Variants in MRTFB observed in about 807,000 individuals in gnomAD.
MRTFB encodes the protein myocardin related transcription factor B, also known as myocardin-related transcription factor B.
MRTFB carries 29 observed loss-of-function variants against 104.2 expected under a neutral mutation model. The ratio of observed to expected loss-of-function variants is 0.28; its 90% confidence interval spans 0.21 to 0.38. The LOEUF is 0.38. MRTFB is among the 10% of genes least tolerant of loss of function. The pLI, the probability that MRTFB is intolerant of heterozygous loss-of-function variation, is 1.00. For synonymous variants in MRTFB, 535 were observed against 519.5 expected (o/e 1.03, Z -0.41); for missense variants, 1,270 against 1,341.6 (o/e 0.95, Z 0.83).
intron 8 of MRTFB, among the ~76,000 whole-genome samples, chr16:14,233,427 G>A (rs2042351905): frequency 6.6e-6 from 1 of 152,132 alleles, no homozygotes; most frequent in South Asian, 2.1e-4. Context: ...GTGATGCAGG[G>A]AAGCCTGAAG....
chr16:14,252,438 A>G lies in MRTFB; in HGVS notation c.2639A>G (p.Lys880Arg), dbSNP rs139513674. Residue 880 changes from lysine to arginine, a missense_variant, in exon 15 of 17, where the codon AAA becomes AGA. Around this residue, in one of 3 missense-constraint regions of MRTFB, gnomAD observed 1,144 missense variants for 1,131.5 expected, o/e 1.01. Coordinates refer to ENST00000571589, the MANE Select transcript of MRTFB (RefSeq NM_001308142.2). ...SLFGSPVAKT[K>R]DPPRYEEAIK... ...TTTGGGAGTCCAGTCGCCAAGACAA[A>G]AGATCCCCCCCGCTATGAGGAGGCC... is the stretch of plus-strand genomic sequence containing the variant. 2 of 1,613,742 alleles carry G rather than the reference A, an allele frequency of 1.2e-6. No individual in the cohort carries two copies. Among genetic ancestry groups the G allele is most frequent in the Non-Finnish European group, 1.7e-6 (2 of 1,179,968 alleles).
chr16:14,238,134 G>C (rs922078162), intron 9 of MRTFB, among the ~76,000 whole-genome samples: 2 of 152,162 alleles, frequency 1.3e-5, no homozygotes, highest in Non-Finnish European at 2.9e-5. Context: ...GTCACAATGC[G>C]GGGGACGAGG....
At chr16:14,196,482 C>T (rs1466451019) in intron 3 of MRTFB, among the ~76,000 whole-genome samples, 2 of 152,182 alleles carry the variant, frequency 1.3e-5, no homozygotes, top group Non-Finnish European at 2.9e-5. Context: ...CCTCCTTTTC[C>T]AATTCTGTAT....
the MRTFB span, among the ~76,000 whole-genome samples, chr16:14,057,191 G>C: frequency 1.3e-5 from 2 of 152,044 alleles, no homozygotes; most frequent in African/African-American, 2.4e-5. Flanking sequence ...TAAGCTCACT[G>C]TTCCAGCCAA....
chr16:14,107,824 G>A (rs1267376601), intron 2 of MRTFB, among the ~76,000 whole-genome samples: 1 of 152,228 alleles, frequency 6.6e-6, no homozygotes, highest in Non-Finnish European at 1.5e-5. Flanking sequence ...CCCAGTGTGA[G>A]GTACACCAAG....
At chr16:14,005,718 T>C in the MRTFB span, among the ~76,000 whole-genome samples, 18 of 152,160 alleles carry the variant, frequency 1.2e-4, no homozygotes, top group Non-Finnish European at 1.9e-4. Flanking sequence ...AAATGTTTTA[T>C]TGAGTGTGGG....
chr16:14,018,064 A>C, the MRTFB span, among the ~76,000 whole-genome samples: 1 of 152,070 alleles, frequency 6.6e-6, no homozygotes, highest in African/African-American at 2.4e-5. Flanking sequence ...CAAGAAAAAC[A>C]CACTCTTGTA....
intron 3 of MRTFB, among the ~76,000 whole-genome samples, chr16:14,154,187 T>C (rs2038738841): frequency 6.6e-6 from 1 of 152,032 alleles, no homozygotes; most frequent in South Asian, 2.1e-4. Context: ...TTTTAAAAAT[T>C]AGCCAAGCAT....
At chr16:14,133,996 T>C (rs902319343) in intron 2 of MRTFB, among the ~76,000 whole-genome samples, 1 of 152,116 alleles carries the variant, frequency 6.6e-6, no homozygotes, top group Admixed American at 6.5e-5. Context: ...TTTGAAACTT[T>C]TGCTAGTTCA....
chr16:14,188,244 T>C (rs1024697017), intron 3 of MRTFB, among the ~76,000 whole-genome samples: 4 of 152,230 alleles, frequency 2.6e-5, no homozygotes, highest in African/African-American at 9.7e-5. Flanking sequence ...ATTTTTAGGA[T>C]GCATTTCTGG....
chr16:14,183,512 TG>T (rs1485714411), intron 3 of MRTFB, among the ~76,000 whole-genome samples: 7 of 152,186 alleles, frequency 4.6e-5, no homozygotes, highest in East Asian at 3.8e-4. Context: ...TTTATGTGTT[TG>T]TTTTTTTTCT....
rs1358810302 is a variant in MRTFB, at chr16:14,262,383, C to T, written c.*939C>T. On this transcript the variant is annotated 3_prime_UTR_variant, in exon 17 of 17. Transcript: ENST00000571589. ...AATTGCTGACTAACTTTCAGGTAAC[C>T]AGACCCATCTCAAAGAACCAAGAAA... 6.6e-6 allele frequency: 1 copy of T among 152,146 alleles called. No individual in the cohort carries two copies. Among genetic ancestry groups the T allele is most frequent in the Non-Finnish European group, 1.5e-5 (1 of 68,028 alleles). 9.4% of individuals were successfully genotyped at this position (152,146 alleles called of 1,614,324 possible). A position where few individuals can be genotyped will look rare whatever the true frequency, so the allele number is the denominator to read the frequency against.
intron 3 of MRTFB, among the ~76,000 whole-genome samples, chr16:14,169,287 A>C (rs577537530): frequency 1.3e-5 from 2 of 152,284 alleles, no homozygotes; most frequent in Admixed American, 1.3e-4. Flanking sequence ...GTAGGAACAA[A>C]TTATCCATGC....
chr16:14,020,703 GA>G, the MRTFB span, among the ~76,000 whole-genome samples: 1 of 152,182 alleles, frequency 6.6e-6, no homozygotes, highest in East Asian at 1.9e-4. Context: ...AGCTCCAGAT[GA>G]AATTATAATG....
chr16:14,252,866 T>C (rs2043311571), intron 15 of MRTFB, among the ~76,000 whole-genome samples: 1 of 152,178 alleles, frequency 6.6e-6, no homozygotes, highest in Non-Finnish European at 1.5e-5. Context: ...AGCATCAAAA[T>C]GACACATGGT....
At chr16:14,257,207 C>T (rs1370930509) in intron 15 of MRTFB, among the ~76,000 whole-genome samples, 1 of 152,118 alleles carries the variant, frequency 6.6e-6, no homozygotes, top group Non-Finnish European at 1.5e-5. Context: ...AAAGTTAAAC[C>T]TACACCTGTC....
chr16:14,004,226 A>C, the MRTFB span, among the ~76,000 whole-genome samples: 2 of 152,140 alleles, frequency 1.3e-5, no homozygotes, highest in Non-Finnish European at 2.9e-5. Flanking sequence ...CAGACAAGTA[A>C]CCGGGGTGGA....
At chr16:14,132,192 A>G (rs1327910291) in intron 2 of MRTFB, among the ~76,000 whole-genome samples, 1 of 152,236 alleles carries the variant, frequency 6.6e-6, no homozygotes, top group African/African-American at 2.4e-5. Flanking sequence ...CACATATTCT[A>G]TGATTCTATT....
At position 14,261,075 on chromosome 16, in the gene MRTFB, C is replaced by T. The variant is rs977593441; in HGVS notation, c.2931C>T (p.Ser977=). The part of the protein sequence containing the change: ...SLEPMGSLSA[S]LENQLEAFLD... ...AACCTATGGGCAGTTTATCTGCCAG[C>T]TTAGAGAACCAACTAGAAGCTTTCT... The change falls in exon 17 of 17, where the codon AGC becomes AGT. Residue 977 remains serine (S), a synonymous_variant. Transcript: ENST00000571589. 1 of 1,614,090 alleles carries T rather than the reference C, an allele frequency of 6.2e-7. No individual in the cohort carries two copies. The highest frequency in any genetic ancestry group is 8.5e-7 in the Non-Finnish European group (1 of 1,180,054).
Sources: allele counts gnomAD v4.1 joint callset (sites outside exome capture counted in the v4.1 genomes callset), GRCh38; gene constraint gnomAD v4.1.1; regional missense constraint gnomAD v4.1.1; transcripts MANE v1.5; gene names NCBI Gene and HGNC (gene_info 2026-07-23, HGNC 2026-07-21).